PPM1K: variants seen among roughly 807,000 people sequenced by gnomAD.
The protein encoded by PPM1K is protein phosphatase Mn(2+)-dependent 1K.
Under a neutral mutation model 32.6 loss-of-function variants are expected in PPM1K, and 19 were observed. The ratio of observed to expected loss-of-function variants is 0.58; its 90% CI spans 0.41 to 0.86. The LOEUF (loss-of-function observed/expected upper bound fraction) is 0.86. Ranked by LOEUF, PPM1K falls within the 40% of genes least tolerant of loss-of-function variation. The pLI is 0.00. For synonymous variants in PPM1K, 159 were observed against 165.3 expected, an observed-to-expected ratio of 0.96 and a Z score of 0.29; for missense variants, 362 against 461.2, an observed-to-expected ratio of 0.78 and a Z score of 1.97.
At chr4:88,270,531 T>C (rs141117409) in intron 3 of PPM1K, among the ~76,000 whole-genome samples, 230 of 152,342 alleles carry the variant, frequency 1.5e-3, no homozygotes, top group African/African-American at 5.2e-3. Flanking sequence ...CAGTGGAATC[T>C]TTACAGTTTG....
intron 3 of PPM1K, chr4:88,271,206 G>A (rs888484450): frequency 4.1e-6 from 2 of 488,890 alleles, no homozygotes; most frequent in East Asian, 5.7e-5. Context: ...CAAATAACAC[G>A]CACAGAGGCA....
intron 3 of PPM1K, among the ~76,000 whole-genome samples, chr4:88,272,572 C>T (rs1404389443): frequency 2.6e-5 from 4 of 152,114 alleles, no homozygotes; most frequent in African/African-American, 4.8e-5. Flanking sequence ...TTATAAACAA[C>T]GGACTGGTGG....
At chr4:88,275,305 G>A (rs1731720633) in intron 3 of PPM1K, 1 of 931,460 alleles carries the variant, frequency 1.1e-6, no homozygotes, top group South Asian at 5.0e-5. Context: ...GCTGAAGTTA[G>A]CATATGAATT....
intron 1 of PPM1K, among the ~76,000 whole-genome samples, chr4:88,281,382 A>C (rs564414072): frequency 6.6e-6 from 1 of 152,182 alleles, no homozygotes; most frequent in South Asian, 2.1e-4. Flanking sequence ...ATTTTTTTTT[A>C]AATAATAAAA....
intron 5 of PPM1K, among the ~76,000 whole-genome samples, chr4:88,267,397 G>A (rs1731379234): frequency 6.6e-6 from 1 of 151,592 alleles, no homozygotes; most frequent in African/African-American, 2.4e-5. Context: ...ACTGGGTGCA[G>A]GTGATGCTGC....
chr4:88,264,975 C>A (rs776660070), intron 6 of PPM1K, 26 bp downstream of exon 6: 1 of 1,612,388 alleles, frequency 6.2e-7, no homozygotes, highest in Admixed American at 1.7e-5. Flanking sequence ...CTCCTTGGGA[C>A]TTTTCAGGCA....
At chr4:88,271,813 A>G (rs1455881281) in intron 3 of PPM1K, among the ~76,000 whole-genome samples, 2 of 152,232 alleles carry the variant, frequency 1.3e-5, no homozygotes, top group African/African-American at 2.4e-5. Context: ...TACAAGATAC[A>G]TAGAGTAATG....
intron 5 of PPM1K, 61 bp downstream of exon 5, chr4:88,268,129 C>T: frequency 3.2e-6 from 5 of 1,555,220 alleles, no homozygotes; most frequent in Non-Finnish European, 4.4e-6. Flanking sequence ...AAAGGTGCAG[C>T]AGAGACAATC....
chr4:88,278,475 T>C lies in PPM1K; in HGVS notation c.109A>G (p.Thr37Ala), dbSNP rs756064354. 1 of 1,614,026 alleles carries C rather than the reference T, an allele frequency of 6.2e-7. No homozygotes were observed. The highest frequency in any genetic ancestry group is 1.7e-5 in the Admixed American group (1 of 59,990). The change falls in exon 2 of 7, where the codon ACG (threonine) becomes GCG (alanine). Residue 37 changes from threonine (T) to alanine (A), a missense_variant. By Grantham distance (58) the Thr-to-Ala change is moderately conservative (BLOSUM62 0). Coordinates refer to ENST00000608933, the MANE Select transcript of PPM1K (RefSeq NM_152542.5). This position sits in a 1 kb window ranked among gnomAD's most constrained non-coding sequence, Gnocchi z 4.2. ...LLQDDRRVTPTCHSSTSEPRC... is the reference protein window; with the variant it reads ...LLQDDRRVTPACHSSTSEPRC... ...GGCTCTGAAGTGGAGCTGTGGCACG[T>C]GGGTGTCACCCGCCTGTCGTCCTGC...
chr4:88,275,474 AT>A, intron 3 of PPM1K: 1 of 985,416 alleles, frequency 1.0e-6, no homozygotes, highest in Non-Finnish European at 1.2e-6. Context: ...GTCCTGTCAT[AT>A]TTTACATCAA....
chr4:88,268,063 C>T (rs1731405088), intron 5 of PPM1K, 127 bp downstream of exon 5: 2 of 990,694 alleles, frequency 2.0e-6, no homozygotes, highest in African/African-American at 1.6e-5. Flanking sequence ...TTTTTTTATC[C>T]TTCCATAAAT....
At position 88,262,730 on chromosome 4, in the gene PPM1K, C is replaced by A; in HGVS notation, c.988-4G>T. 1.9e-6 allele frequency: 3 copies of A among 1,592,978 alleles called. No homozygotes were observed. Among genetic ancestry groups the A allele is most frequent in the Non-Finnish European group, 1.7e-6 (2 of 1,172,200 alleles). Reference sequence around the variant, plus strand: ...CCTCAGTACCGTACTGTATTGCCTGCAAGGTTTGGCAGGAAGAAAGAGAAA... The same window carrying A: ...CCTCAGTACCGTACTGTATTGCCTGAAAGGTTTGGCAGGAAGAAAGAGAAA... On this transcript the variant is annotated splice_polypyrimidine_tract_variant and splice_region_variant and intron_variant, in intron 6 of 6. Transcript: ENST00000608933.
rs951334141 is a variant in PPM1K at position 88,268,758 on chromosome 4, T to C, written c.690A>G (p.Arg230=). The change falls in exon 4 of 7, where the codon AGA becomes AGG. Residue 230 remains arginine (R), a synonymous_variant. Coordinates refer to ENST00000608933, the MANE Select transcript of PPM1K (RefSeq NM_152542.5). ...GGTAGTACCTTTCTTTTTCATCTTT[T>C]CTTTCTGGAGTATGGTCAATGGTCA... ...MKLTIDHTPE[R]KDEKERIKKC... is the part of the protein sequence containing the mutation. The C allele has an allele frequency of 6.2e-7, 1 of 1,613,936 alleles. No homozygotes were observed. The highest frequency in any genetic ancestry group is 1.7e-5 in the Admixed American group (1 of 59,990).
chr4:88,260,126 A>G lies in PPM1K; in HGVS notation c.*2469T>C, dbSNP rs1341143973. 1.3e-5 allele frequency: 2 copies of G among 152,216 alleles called. No homozygotes were observed. Among genetic ancestry groups the G allele is most frequent in the East Asian group, 3.8e-4 (2 of 5,208 alleles). 9.4% of individuals were successfully genotyped at this position (152,216 alleles called of 1,614,324 possible). On this transcript the variant is annotated 3_prime_UTR_variant, in exon 7 of 7. Transcript: ENST00000608933. ...GAGTGCAATGGCGCGATCTCGACTC[A>G]CTGCAACCTCCGCCTCCCAGGTTCA...
Position 88,278,576 on chromosome 4 carries a change from G to A in PPM1K, c.8C>T (p.Thr3Ile). MS[T>I]AALITLVRSG... ...TCTGACCAAAGTAATTAAGGCAGCT[G>A]TTGACATAACTCAGCTCCAAAGGAC... The change falls in exon 2 of 7, where the codon ACA (threonine) becomes ATA (isoleucine). Residue 3 changes from threonine (T) to isoleucine (I), a missense_variant. Thr to Ile is a moderately conservative substitution (Grantham distance 89). Transcript: ENST00000608933. The surrounding 1 kb of genome is among the most constrained non-coding windows in gnomAD (Gnocchi z 4.2). 6.2e-7 allele frequency: 1 copy of A among 1,605,836 alleles called. No homozygotes were observed. Among genetic ancestry groups the A allele is most frequent in the East Asian group, 2.2e-5 (1 of 44,788 alleles).
chr4:88,263,111 G>C (rs564882785), intron 6 of PPM1K, among the ~76,000 whole-genome samples: 1 of 152,222 alleles, frequency 6.6e-6, no homozygotes, highest in African/African-American at 2.4e-5. Flanking sequence ...CTCTTACCAG[G>C]AATTCAATTC....
chr4:88,262,845 G>T, intron 6 of PPM1K, 119 bp from the exon 7 acceptor site: 1 of 1,041,490 alleles, frequency 9.6e-7, no homozygotes, highest in Non-Finnish European at 1.3e-6. Context: ...CTGGTCTTAT[G>T]TGCAGTTACT....
chr4:88,276,258 T>C, intron 3 of PPM1K: 1 of 985,400 alleles, frequency 1.0e-6, no homozygotes, highest in Non-Finnish European at 1.2e-6. Context: ...GACATTTCTG[T>C]GGTGCACTTG....
Position 88,278,419 on chromosome 4 carries a change from A to G in PPM1K, c.165T>C (p.Ser55=). Residue 55 remains serine, a synonymous_variant, in exon 2 of 7, where the codon AGT becomes AGC. Transcript: ENST00000608933. This position sits in a 1 kb window ranked among gnomAD's most constrained non-coding sequence, Gnocchi z 4.2. Reference sequence around the variant, plus strand: ...AATTGTCCCAGGTAGCTGGACTCCCACTACCATCTGGGTCAAACCGAGAAC... The same window carrying G: ...AATTGTCCCAGGTAGCTGGACTCCCGCTACCATCTGGGTCAAACCGAGAAC... ...PRCSRFDPDG[S]GSPATWDNFG... The G allele has an allele frequency of 4.3e-6, 7 of 1,614,144 alleles. No individual in the cohort carries two copies. The highest frequency in any genetic ancestry group is 5.9e-6 in the Non-Finnish European group (7 of 1,180,014).
Sources: gnomAD v4.1 joint callset for allele counts (sites outside exome capture counted in the v4.1 genomes callset) on GRCh38, gnomAD v4.1.1 for gene constraint, Gnocchi (gnomAD v3.1) non-coding constraint, MANE v1.5 for transcripts, NCBI Gene and HGNC (gene_info 2026-07-23, HGNC 2026-07-21) for gene names.